The following KIAA1217 variants were observed in gnomAD, a reference collection of about 807,000 sequenced individuals.
KIAA1217 encodes the protein sickle tail protein homolog.
KIAA1217 carries 88 observed loss-of-function variants against 163.9 expected under a neutral mutation model. The ratio of observed to expected loss-of-function variants is 0.54; its 90% CI spans 0.45 to 0.64. The LOEUF is 0.64. Ranked by LOEUF, KIAA1217 falls within the 30% of genes least tolerant of loss-of-function variation. The pLI, the probability that KIAA1217 is intolerant of heterozygous loss-of-function variation, is 0.00. For synonymous variants in KIAA1217, 903 were observed against 923.1 expected (o/e 0.98, Z 0.39); for missense variants, 2,372 against 2,475.0 (o/e 0.96, Z 0.88).
At chr10:24,425,569 T>G (rs1382605248) in intron 3 of KIAA1217, among the ~76,000 whole-genome samples, 1 of 152,244 alleles carries the variant, frequency 6.6e-6, no homozygotes, top group Non-Finnish European at 1.5e-5. Context: ...ATTGCCATAT[T>G]CTCTTACAAT....
At chr10:24,071,574 T>A (rs1002809697) in intron 2 of KIAA1217, among the ~76,000 whole-genome samples, 3 of 152,198 alleles carry the variant, frequency 2.0e-5, no homozygotes. Flanking sequence ...CATTTTGAAG[T>A]ACATGATTTG....
intron 1 of KIAA1217, among the ~76,000 whole-genome samples, chr10:23,978,875 A>G (rs969970942): frequency 6.6e-6 from 1 of 152,162 alleles, no homozygotes; most frequent in African/African-American, 2.4e-5. Context: ...GAGCTAACCA[A>G]CGTGTTCTAC....
intron 2 of KIAA1217, among the ~76,000 whole-genome samples, chr10:24,146,964 C>T (rs948882175): frequency 1.3e-5 from 2 of 148,272 alleles, no homozygotes; most frequent in South Asian, 4.2e-4. Flanking sequence ...CGCACATTTC[C>T]GTGTTCCTAA....
At chr10:24,228,207 A>T (rs1293262855) in intron 2 of KIAA1217, among the ~76,000 whole-genome samples, 1 of 152,068 alleles carries the variant, frequency 6.6e-6, no homozygotes, top group African/African-American at 2.4e-5. Flanking sequence ...GGCTGCAGTG[A>T]GCTGTGATTG....
chr10:24,378,548 C>T (rs2052844609), intron 2 of KIAA1217, among the ~76,000 whole-genome samples: 2 of 152,180 alleles, frequency 1.3e-5, no homozygotes, highest in Admixed American at 1.3e-4. Flanking sequence ...CCCATATAGA[C>T]CTTACATGCT....
intron 1 of KIAA1217, among the ~76,000 whole-genome samples, chr10:23,785,914 C>T (rs1482144280): frequency 2.0e-5 from 3 of 152,064 alleles, no homozygotes; most frequent in African/African-American, 7.2e-5. Flanking sequence ...ACATAAACAA[C>T]ATCAGAATTC....
At position 24,014,341 on chromosome 10, in the gene KIAA1217, T is replaced by A. The variant is rs146454718; in HGVS notation, c.-171+6967T>A. On this transcript the variant is annotated intron_variant, in intron 2 of 18. Coordinates refer to the KIAA1217 transcript ENST00000376462. Reference sequence around the variant, plus strand: ...AACTATGTGTTCTCATATTCAGGCATAAGGTAATTTGTTTTACACGCAGAA... The same window carrying A: ...AACTATGTGTTCTCATATTCAGGCAAAAGGTAATTTGTTTTACACGCAGAA... Among the ~76,000 whole-genome samples, 19 of 152,294 alleles carry A rather than the reference T, an allele frequency of 1.2e-4. 1 individual carries two copies. In the East Asian group the frequency reaches 3.7e-3, roughly 29 times the overall value.
intron 2 of KIAA1217, among the ~76,000 whole-genome samples, chr10:24,051,296 C>T (rs1313415465): frequency 6.6e-6 from 1 of 152,066 alleles, no homozygotes; most frequent in African/African-American, 2.4e-5. Context: ...TTTCTTTATC[C>T]ACTCATTGGT....
intron 2 of KIAA1217, among the ~76,000 whole-genome samples, chr10:24,171,668 G>A (rs562520398): frequency 3.9e-5 from 6 of 152,056 alleles, no homozygotes; most frequent in Non-Finnish European, 7.4e-5. Context: ...GCCGGGTGTG[G>A]TGGTGCATAC....
At chr10:24,158,298 T>C in intron 2 of KIAA1217, 4 of 699,066 alleles carry the variant, frequency 5.7e-6, no homozygotes, top group South Asian at 4.1e-5. Context: ...GGTTGGATCC[T>C]TTTTATACTC....
chr10:24,536,059 G>A (rs1462787814), intron 16 of KIAA1217, among the ~76,000 whole-genome samples: 9 of 152,002 alleles, frequency 5.9e-5, no homozygotes, highest in South Asian at 2.1e-4. Flanking sequence ...CCACATGCCC[G>A]CTTCCTTTTT....
chr10:24,215,409 A>G (rs1355603204), intron 1 of KIAA1217, among the ~76,000 whole-genome samples: 1 of 152,168 alleles, frequency 6.6e-6, no homozygotes, highest in Non-Finnish European at 1.5e-5. Flanking sequence ...AGCTAGACAC[A>G]CCCATATTTA....
intron 2 of KIAA1217, among the ~76,000 whole-genome samples, chr10:24,050,351 T>C (rs962363630): frequency 6.6e-6 from 1 of 152,224 alleles, no homozygotes; most frequent in African/African-American, 2.4e-5. Flanking sequence ...TGCCATTGCT[T>C]CTGGTGTTTT....
chr10:24,230,828 A>T (rs1282308493), intron 2 of KIAA1217, among the ~76,000 whole-genome samples: 2 of 152,098 alleles, frequency 1.3e-5, no homozygotes, highest in African/African-American at 4.8e-5. Flanking sequence ...AGGCACTACT[A>T]TTAACTATAG....
chr10:24,520,339 G>A (rs2070902991), intron 11 of KIAA1217, 86 bp downstream of exon 11: 2 of 1,525,046 alleles, frequency 1.3e-6, no homozygotes, highest in Non-Finnish European at 1.8e-6. Context: ...ATTCATTCAT[G>A]TATGCAAGTA....
At chr10:23,879,564 G>T (rs946398431) in intron 1 of KIAA1217, among the ~76,000 whole-genome samples, 1 of 151,912 alleles carries the variant, frequency 6.6e-6, no homozygotes, top group African/African-American at 2.4e-5. Context: ...TTGGGTCTTT[G>T]GTGGCCTTGA....
At chr10:24,438,058 AT>A (rs34613849) in intron 4 of KIAA1217, among the ~76,000 whole-genome samples, 16,060 of 148,616 alleles carry the variant, frequency 0.11, 892 homozygotes, top group African/African-American at 0.15. Context: ...TTGGAACTTT[AT>A]TTTTTTTTTT....
chr10:24,404,888 C>T (rs1367669541), intron 3 of KIAA1217, among the ~76,000 whole-genome samples: 2 of 152,186 alleles, frequency 1.3e-5, no homozygotes, highest in African/African-American at 4.8e-5. Context: ...CTAAAGTTTA[C>T]ATACTGTACC....
chr10:24,395,546 T>A (rs2055608963), intron 3 of KIAA1217, among the ~76,000 whole-genome samples: 1 of 152,202 alleles, frequency 6.6e-6, no homozygotes, highest in South Asian at 2.1e-4. Context: ...CCTGAGAATG[T>A]CCCTGGAAAA....
Sources: gnomAD v4.1 joint callset for allele counts (sites outside exome capture counted in the v4.1 genomes callset) on GRCh38, gnomAD v4.1.1 for gene constraint, MANE v1.5 for transcripts, NCBI Gene and HGNC (gene_info 2026-07-23, HGNC 2026-07-21) for gene names.